Variants in GULP1 observed in about 807,000 individuals in gnomAD.
GULP1 encodes the protein GULP PTB domain containing engulfment adaptor 1.
GULP1 carries 19 observed loss-of-function variants against 40.9 expected under a neutral mutation model. The ratio of observed to expected loss-of-function variants is 0.46; its 90% CI spans 0.32 to 0.68. The LOEUF (loss-of-function observed/expected upper bound fraction) is 0.68, where lower values mean the gene tolerates loss of function less well. GULP1 is among the 30% of genes least tolerant of loss of function. The pLI is 0.03. For synonymous variants in GULP1, 119 were observed against 117.6 expected (o/e 1.01, Z -0.08); for missense variants, 312 against 362.2 (o/e 0.86, Z 1.12).
rs1422751995 is a variant in GULP1, at chr2:188,379,533, G to A, written c.-171-4230G>A. Among the ~76,000 whole-genome samples, 3 of 152,138 alleles carry A rather than the reference G, an allele frequency of 2.0e-5. No individual in the cohort carries two copies. In the East Asian group the frequency reaches 5.8e-4, roughly 29 times the overall value. ...ACAAATATACACACATTTCCAAGAA[G>A]TAATTTGCTTGTCTCATCCCCTCCC... On this transcript the variant is annotated intron_variant, in intron 1 of 11. Coordinates refer to ENST00000409830, the MANE Select transcript of GULP1 (RefSeq NM_016315.4).
At chr2:188,584,180 C>A in intron 9 of GULP1, 85 bp from the exon 10 acceptor site, 1 of 895,808 alleles carries the variant, frequency 1.1e-6, no homozygotes, top group South Asian at 2.5e-5. Flanking sequence ...TTGTTGTTTA[C>A]ATATATTTTA....
At chr2:188,580,995 A>G (rs969040701) in intron 9 of GULP1, among the ~76,000 whole-genome samples, 2 of 152,028 alleles carry the variant, frequency 1.3e-5, no homozygotes, top group African/African-American at 4.8e-5. Flanking sequence ...ACCTCATCAC[A>G]TTGTATTTGG....
chr2:188,493,809 A>G (rs1219151366), intron 4 of GULP1, among the ~76,000 whole-genome samples: 1 of 152,022 alleles, frequency 6.6e-6, no homozygotes, highest in African/African-American at 2.4e-5. Context: ...CTCTAGGCCA[A>G]CTTGATTCAG....
At chr2:188,544,314 TAACACAATA>T (rs1193802556) in intron 7 of GULP1, among the ~76,000 whole-genome samples, 1 of 152,048 alleles carries the variant, frequency 6.6e-6, no homozygotes, top group East Asian at 1.9e-4. Flanking sequence ...AGCCATCATA[TAACACAATA>T]AAATGAGCAG....
chr2:188,330,228 A>T (rs1174626722), intron 1 of GULP1, among the ~76,000 whole-genome samples: 1 of 152,210 alleles, frequency 6.6e-6, no homozygotes, highest in South Asian at 2.1e-4. Context: ...TAAGTATTTT[A>T]TAAAAATAAA....
intron 1 of GULP1, among the ~76,000 whole-genome samples, chr2:188,345,610 T>G (rs573817695): frequency 6.6e-6 from 1 of 152,182 alleles, no homozygotes; most frequent in African/African-American, 2.4e-5. Context: ...ATAAAGTAAG[T>G]TGCTGTGGTT....
At chr2:188,427,269 G>C (rs1272412488) in intron 2 of GULP1, among the ~76,000 whole-genome samples, 2 of 152,198 alleles carry the variant, frequency 1.3e-5, no homozygotes, top group Non-Finnish European at 2.9e-5. Context: ...GTCATCTGCT[G>C]TCTAAGCTTG....
chr2:188,484,645 G>A (rs2061712662), intron 4 of GULP1, among the ~76,000 whole-genome samples: 1 of 152,134 alleles, frequency 6.6e-6, no homozygotes, highest in Non-Finnish European at 1.5e-5. Context: ...AAAAATTAAA[G>A]AATGTTTATT....
chr2:188,357,693 C>T (rs1401675214), intron 1 of GULP1, among the ~76,000 whole-genome samples: 1 of 152,022 alleles, frequency 6.6e-6, no homozygotes. Context: ...AGTCTCACTA[C>T]TGGGTATATC....
intron 1 of GULP1, among the ~76,000 whole-genome samples, chr2:188,345,027 G>A (rs1044835659): frequency 5.9e-5 from 9 of 152,028 alleles, no homozygotes; most frequent in African/African-American, 2.2e-4. Flanking sequence ...AGAACTCTGG[G>A]CAATTCTTAT....
intron 2 of GULP1, among the ~76,000 whole-genome samples, chr2:188,408,016 CA>C (rs1373893088): frequency 6.6e-6 from 1 of 152,154 alleles, no homozygotes; most frequent in Non-Finnish European, 1.5e-5. Context: ...AAATGTCCCC[CA>C]AATTTCATGT....
intron 1 of GULP1, among the ~76,000 whole-genome samples, chr2:188,330,842 T>A (rs11678294): frequency 0.08 from 12,113 of 152,110 alleles, 1,249 homozygotes; most frequent in African/African-American, 0.24. Context: ...CTCTCTCAGC[T>A]CCCCCGACAA....
At chr2:188,381,647 T>C (rs11694636) in intron 1 of GULP1, among the ~76,000 whole-genome samples, 1,738 of 152,274 alleles carry the variant, frequency 0.011, 14 homozygotes, top group Non-Finnish European at 0.02. Context: ...AAAAGAAAAA[T>C]GGAAAAACTA....
intron 7 of GULP1, among the ~76,000 whole-genome samples, chr2:188,565,949 T>A (rs2153423529): frequency 6.6e-6 from 1 of 152,246 alleles, no homozygotes; most frequent in South Asian, 2.1e-4. Flanking sequence ...TCTATTTTTA[T>A]AGATATCAAG....
At chr2:188,364,777 GAT>G (rs2046540120) in intron 1 of GULP1, among the ~76,000 whole-genome samples, 2 of 141,840 alleles carry the variant, frequency 1.4e-5, no homozygotes, top group Admixed American at 1.4e-4. Flanking sequence ...ATATATACAT[GAT>G]ATATATACAT....
chr2:188,311,833 T>C (rs1285955634), intron 1 of GULP1, among the ~76,000 whole-genome samples: 1 of 148,166 alleles, frequency 6.7e-6, no homozygotes, highest in Non-Finnish European at 1.5e-5. Context: ...TATATACATA[T>C]GTACTATAAT....
At chr2:188,525,344 TCG>T (rs1232027026) in intron 5 of GULP1, among the ~76,000 whole-genome samples, 1 of 152,060 alleles carries the variant, frequency 6.6e-6, no homozygotes, top group Non-Finnish European at 1.5e-5. Context: ...TGAGCCGCGA[TCG>T]CGCCATTGCA....
intron 4 of GULP1, among the ~76,000 whole-genome samples, chr2:188,487,838 A>G (rs1559298556): frequency 6.6e-6 from 1 of 151,994 alleles, no homozygotes; most frequent in Non-Finnish European, 1.5e-5. Context: ...CGTTTGTTTA[A>G]TCAGAGAGAA....
chr2:188,411,681 C>T (rs1370913075), intron 2 of GULP1, among the ~76,000 whole-genome samples: 1 of 152,224 alleles, frequency 6.6e-6, no homozygotes, highest in Non-Finnish European at 1.5e-5. Context: ...GTCCTTGTTT[C>T]CAATTTTTCA....
Sources: gnomAD v4.1 joint callset for allele counts (sites outside exome capture counted in the v4.1 genomes callset) on GRCh38, gnomAD v4.1.1 for gene constraint, MANE v1.5 for transcripts, NCBI Gene and HGNC (gene_info 2026-07-23, HGNC 2026-07-21) for gene names.